Variants in NRXN3 observed in about 807,000 individuals in gnomAD.
NRXN3 encodes neurexin III.
NRXN3 carries 32 observed loss-of-function variants against 137.6 expected under a neutral mutation model. The observed-to-expected ratio is 0.23, with a 90% confidence interval of 0.18 to 0.31. NRXN3 has a LOEUF of 0.31. Among genes scored for constraint, NRXN3 ranks in the 10% least tolerant of loss-of-function variants. The probability of loss-of-function intolerance (pLI) is 1.00; values close to 1 mark genes in which losing one functional copy is unlikely to be tolerated. For missense variants in NRXN3, 1,574 were observed against 2,062.5 expected (o/e 0.76, Z 4.59); for synonymous variants, 798 against 784.5 (o/e 1.02, Z -0.29).
chr14:79,428,324 CTTTTA>C (rs1160944716), intron 15 of NRXN3, among the ~76,000 whole-genome samples: 2 of 151,486 alleles, frequency 1.3e-5, no homozygotes, highest in African/African-American at 2.4e-5. Flanking sequence ...CTTTTTCTTT[CTTTTA>C]TTTTATTTTT....
chr14:78,425,007 A>T (rs761358182), intron 4 of NRXN3, among the ~76,000 whole-genome samples: 1 of 152,042 alleles, frequency 6.6e-6, no homozygotes, highest in South Asian at 2.1e-4. Flanking sequence ...GGCTTGTCTG[A>T]TTTTCTCAGC....
intron 16 of NRXN3, among the ~76,000 whole-genome samples, chr14:79,581,436 C>T (rs1424249377): frequency 6.6e-6 from 1 of 152,154 alleles, no homozygotes; most frequent in Non-Finnish European, 1.5e-5. Flanking sequence ...TATAACAACT[C>T]ATGAACTTCC....
intron 15 of NRXN3, among the ~76,000 whole-genome samples, chr14:79,351,519 C>T (rs7492987): frequency 0.47 from 72,166 of 151,938 alleles, 17,451 homozygotes; most frequent in South Asian, 0.55. Context: ...TACACAGTCA[C>T]GGTAGATATG....
At chr14:78,864,439 A>G (rs961551405) in intron 10 of NRXN3, among the ~76,000 whole-genome samples, 2 of 152,214 alleles carry the variant, frequency 1.3e-5, no homozygotes, top group Non-Finnish European at 2.9e-5. Context: ...AGTTTAGGGC[A>G]GAAACTGAAA....
At chr14:78,662,411 T>C (rs531580335) in intron 6 of NRXN3, among the ~76,000 whole-genome samples, 1 of 152,170 alleles carries the variant, frequency 6.6e-6, no homozygotes, top group East Asian at 1.9e-4. Context: ...ATGTGGCCCA[T>C]ATATCCTTAA....
intron 2 of NRXN3, among the ~76,000 whole-genome samples, chr14:78,252,481 T>C (rs1402061072): frequency 6.6e-6 from 1 of 152,212 alleles, no homozygotes; most frequent in Admixed American, 6.5e-5. Context: ...AAGTACGGTG[T>C]CTTTGTAGCT....
intron 16 of NRXN3, among the ~76,000 whole-genome samples, chr14:79,504,723 A>G (rs1006770394): frequency 1.3e-5 from 2 of 148,248 alleles, no homozygotes; most frequent in South Asian, 4.2e-4. Flanking sequence ...AAGTGTTTCA[A>G]ATAGAAAATG....
chr14:79,762,169 A>G lies in NRXN3; in HGVS notation c.4015-42943A>G, dbSNP rs149841437. Among the ~76,000 whole-genome samples, 1,078 of 151,794 alleles carry G rather than the reference A, an allele frequency of 7.1e-3. 46 individuals carry two copies. The highest frequency in any genetic ancestry group is 0.025 in the African/African-American group (1,040 of 41,064). ...ACTTCTACCATACTCCAGAGGAATCAGTCTGGGTGACTTCATAAAACAGTA... is the reference window on the plus strand; with the variant it reads ...ACTTCTACCATACTCCAGAGGAATCGGTCTGGGTGACTTCATAAAACAGTA... On this transcript the variant is annotated intron_variant, in intron 19 of 20. Transcript: ENST00000335750.
chr14:79,710,758 A>T (rs1451481500), intron 19 of NRXN3, among the ~76,000 whole-genome samples: 2 of 152,230 alleles, frequency 1.3e-5, no homozygotes, highest in Admixed American at 6.5e-5. Context: ...CACTTGAACA[A>T]CATCAGTAAA....
intron 4 of NRXN3, among the ~76,000 whole-genome samples, chr14:78,589,241 G>A (rs1250134779): frequency 1.3e-5 from 2 of 152,120 alleles, no homozygotes; most frequent in Non-Finnish European, 2.9e-5. Flanking sequence ...CTCTGCAAAA[G>A]CCTACCACCA....
chr14:79,272,092 G>A (rs957240180), intron 15 of NRXN3, among the ~76,000 whole-genome samples: 1 of 152,258 alleles, frequency 6.6e-6, no homozygotes. Flanking sequence ...CCGTAGATCA[G>A]TAGATCAATT....
chr14:78,883,828 AC>A (rs1419944611), intron 10 of NRXN3, among the ~76,000 whole-genome samples: 2 of 152,212 alleles, frequency 1.3e-5, no homozygotes. Flanking sequence ...GGTTGAAGTC[AC>A]CTGTGATGAA....
intron 19 of NRXN3, among the ~76,000 whole-genome samples, chr14:79,699,822 A>G (rs112707289): frequency 6.6e-6 from 1 of 151,906 alleles, no homozygotes; most frequent in Non-Finnish European, 1.5e-5. Flanking sequence ...TTTTCCTTTT[A>G]CTTCCACCAA....
intron 15 of NRXN3, among the ~76,000 whole-genome samples, chr14:79,221,717 A>G (rs1198031568): frequency 6.6e-6 from 1 of 152,080 alleles, no homozygotes; most frequent in Non-Finnish European, 1.5e-5. Flanking sequence ...GTTCACTCTC[A>G]TGATAGTTTC....
intron 4 of NRXN3, among the ~76,000 whole-genome samples, chr14:78,533,119 A>AGAT (rs896743582): frequency 6.8e-5 from 4 of 58,920 alleles, no homozygotes; most frequent in African/African-American, 2.4e-4. Context: ...TTTTTTTTTG[A>AGAT]GATGGAGTCT....
At chr14:79,485,564 C>A (rs1234168114) in intron 16 of NRXN3, among the ~76,000 whole-genome samples, 2 of 152,104 alleles carry the variant, frequency 1.3e-5, no homozygotes, top group Non-Finnish European at 2.9e-5. Context: ...CATTTTTTAT[C>A]TTCCAGCCTT....
chr14:79,179,138 CTAT>C (rs10607611), intron 15 of NRXN3, among the ~76,000 whole-genome samples: 2,429 of 152,262 alleles, frequency 0.016, 42 homozygotes, highest in African/African-American at 0.027. Context: ...ATGTGCTTCT[CTAT>C]TATTTCAATA....
At chr14:79,668,299 A>G (rs1282151644) in intron 17 of NRXN3, among the ~76,000 whole-genome samples, 1 of 152,076 alleles carries the variant, frequency 6.6e-6, no homozygotes, top group Admixed American at 6.6e-5. Context: ...GTACTTATAA[A>G]ACATTGCTAT....
intron 3 of NRXN3, among the ~76,000 whole-genome samples, chr14:78,297,251 G>A (rs564031829): frequency 6.6e-6 from 1 of 152,276 alleles, no homozygotes; most frequent in Non-Finnish European, 1.5e-5. Context: ...AGCAACTCTT[G>A]TAAACAGGAA....
Sources: allele counts gnomAD v4.1 joint callset (sites outside exome capture counted in the v4.1 genomes callset), GRCh38; gene constraint gnomAD v4.1.1; transcripts MANE v1.5; gene names NCBI Gene and HGNC (gene_info 2026-07-23, HGNC 2026-07-21).